The following TSPAN18 variants were observed in gnomAD, a reference collection of about 807,000 sequenced individuals.
TSPAN18 encodes the protein tetraspanin 18.
A neutral mutation model predicts 27.3 loss-of-function variants in TSPAN18; 14 were observed. That is an observed-to-expected ratio of 0.51 (90% CI 0.34 to 0.80). The LOEUF (loss-of-function observed/expected upper bound fraction) is 0.80, where lower values mean the gene tolerates loss of function less well. Among genes scored for constraint, TSPAN18 ranks in the 30% least tolerant of loss-of-function variants. The pLI, the probability that TSPAN18 is intolerant of heterozygous loss-of-function variation, is 0.01. For synonymous variants in TSPAN18, 143 were observed against 136.5 expected, an observed-to-expected ratio of 1.05 and a Z score of -0.33; for missense variants, 268 against 323.9, an observed-to-expected ratio of 0.83 and a Z score of 1.32.
chr11:44,811,796 G>T (rs1450337569), intron 2 of TSPAN18, among the ~76,000 whole-genome samples: 1 of 152,176 alleles, frequency 6.6e-6, no homozygotes, highest in African/African-American at 2.4e-5. Flanking sequence ...ATTTAGCCCT[G>T]AGTGTAAAGT....
chr11:44,904,031 C>G (rs1224617466), intron 3 of TSPAN18: 1 of 367,074 alleles, frequency 2.7e-6, no homozygotes, highest in Non-Finnish European at 5.4e-6. Flanking sequence ...GGTGGATGAT[C>G]TCAGGAAAAC....
chr11:44,921,584 G>C (rs1165256783), intron 8 of TSPAN18, among the ~76,000 whole-genome samples: 1 of 152,084 alleles, frequency 6.6e-6, no homozygotes, highest in Non-Finnish European at 1.5e-5. Flanking sequence ...TTTTTCTCTG[G>C]CTAGGACTTG....
At chr11:44,828,674 A>C (rs537857369) in intron 2 of TSPAN18, among the ~76,000 whole-genome samples, 3 of 152,070 alleles carry the variant, frequency 2.0e-5, no homozygotes, top group Admixed American at 2.0e-4. Context: ...TGGGTCCTTT[A>C]CTGACTTAAC....
At chr11:44,851,621 C>G (rs1015888811) in intron 2 of TSPAN18, among the ~76,000 whole-genome samples, 10 of 148,288 alleles carry the variant, frequency 6.7e-5, no homozygotes, top group African/African-American at 1.5e-4. Flanking sequence ...CACCTCCCCC[C>G]CCCAACGGCT....
At chr11:44,896,434 A>C (rs1859052989) in intron 3 of TSPAN18, among the ~76,000 whole-genome samples, 1 of 152,038 alleles carries the variant, frequency 6.6e-6, no homozygotes, top group Admixed American at 6.5e-5. Flanking sequence ...GGTTGTTCTG[A>C]GCATTTCATG....
chr11:44,751,076 C>G (rs1226623950), intron 1 of TSPAN18, among the ~76,000 whole-genome samples: 1 of 152,142 alleles, frequency 6.6e-6, no homozygotes, highest in Non-Finnish European at 1.5e-5. Flanking sequence ...CGTAAATGGG[C>G]AATACTATCA....
intron 2 of TSPAN18, among the ~76,000 whole-genome samples, chr11:44,772,531 T>G (rs1855711322): frequency 6.6e-6 from 1 of 152,248 alleles, no homozygotes; most frequent in Admixed American, 6.5e-5. Context: ...GCATTAATGC[T>G]TAAGTCCCTG....
chr11:44,892,141 G>T (rs1858872937), intron 3 of TSPAN18, among the ~76,000 whole-genome samples: 1 of 152,116 alleles, frequency 6.6e-6, no homozygotes, highest in African/African-American at 2.4e-5. Context: ...ATCCCCTGGT[G>T]CTTATACCAT....
At chr11:44,761,606 G>A (rs981830438) in intron 1 of TSPAN18, among the ~76,000 whole-genome samples, 2 of 152,092 alleles carry the variant, frequency 1.3e-5, no homozygotes, top group South Asian at 2.1e-4. Flanking sequence ...GCTCTGGAGC[G>A]CAAAACCTGG....
chr11:44,912,794 C>T (rs1564999526), intron 5 of TSPAN18, among the ~76,000 whole-genome samples: 1 of 150,296 alleles, frequency 6.7e-6, no homozygotes, highest in Non-Finnish European at 1.5e-5. Context: ...GGGTGTTATG[C>T]ATGCATGGGT....
intron 7 of TSPAN18, 104 bp downstream of exon 7, chr11:44,919,416 A>G (rs1860040911): frequency 2.0e-6 from 2 of 998,676 alleles, no homozygotes; most frequent in Non-Finnish European, 3.1e-6. Flanking sequence ...TCTCCCATTG[A>G]TCACAGACCT....
chr11:44,793,585 G>T (rs969590277), intron 2 of TSPAN18, among the ~76,000 whole-genome samples: 42 of 152,296 alleles, frequency 2.8e-4, no homozygotes, highest in African/African-American at 9.9e-4. Context: ...GTAAAATGGG[G>T]ATCATAATAG....
chr11:44,864,744 A>G (rs1857989474), intron 3 of TSPAN18, among the ~76,000 whole-genome samples: 1 of 152,212 alleles, frequency 6.6e-6, no homozygotes, highest in Non-Finnish European at 1.5e-5. Flanking sequence ...GCCAATGGCA[A>G]GGTCCTGTTT....
At chr11:44,920,912 C>CTG (rs1375959765) in intron 8 of TSPAN18, among the ~76,000 whole-genome samples, 1 of 152,230 alleles carries the variant, frequency 6.6e-6, no homozygotes, top group Admixed American at 6.5e-5. Flanking sequence ...GTCATGATTG[C>CTG]TGCGAAGAAA....
At chr11:44,881,620 TAGCCC>T (rs1270743054) in intron 3 of TSPAN18, among the ~76,000 whole-genome samples, 1 of 152,210 alleles carries the variant, frequency 6.6e-6, no homozygotes, top group Non-Finnish European at 1.5e-5. Flanking sequence ...CCGCCACCTG[TAGCCC>T]AGCAATGCAA....
rs539207379 is a variant in TSPAN18 at position 44,877,172 on chromosome 11, G to A, written c.-11+16703G>A. ...GCCATCCCGCTGCCAAACAGTCGAG[G>A]GGTCCCCATAATGGCTTCACTGTGG... On this transcript the variant is annotated intron_variant, in intron 3 of 9. Transcript: ENST00000520358. Among the ~76,000 whole-genome samples, 160 of 152,368 alleles carry A rather than the reference G, an allele frequency of 1.1e-3. 2 individuals carry two copies. The highest frequency in any genetic ancestry group is 3.4e-3 in the African/African-American group (142 of 41,586).
chr11:44,864,924 C>T (rs1318327085), intron 3 of TSPAN18, among the ~76,000 whole-genome samples: 1 of 152,200 alleles, frequency 6.6e-6, no homozygotes, highest in Non-Finnish European at 1.5e-5. Flanking sequence ...CTCTGGCAGC[C>T]AGCAGAGCCT....
chr11:44,837,668 T>A (rs1200588578), intron 2 of TSPAN18, among the ~76,000 whole-genome samples: 3 of 152,198 alleles, frequency 2.0e-5, no homozygotes, highest in African/African-American at 7.2e-5. Flanking sequence ...CCATCTTATT[T>A]TCAGAAATTG....
chr11:44,735,398 C>G lies in TSPAN18; in HGVS notation c.-240+8111C>G, dbSNP rs139096008. Among the ~76,000 whole-genome samples the G allele has an allele frequency of 2.0e-5, 3 of 152,330 alleles. No homozygotes were observed. The East Asian group carries it at 5.8e-4, about 29-fold the overall frequency. ...TCTCACAGTTCTGGAAGCTAAAAGC[C>G]TGCAGACAAGGTGTTGGCAGGAACA... On this transcript the variant is annotated intron_variant, in intron 1 of 9. Coordinates refer to ENST00000520358, the MANE Select transcript of TSPAN18 (RefSeq NM_130783.5).
Sources: allele counts gnomAD v4.1 joint callset (sites outside exome capture counted in the v4.1 genomes callset), GRCh38; gene constraint gnomAD v4.1.1; transcripts MANE v1.5; gene names NCBI Gene and HGNC (gene_info 2026-07-23, HGNC 2026-07-21).